The following RYR1 variants were observed in gnomAD, a reference collection of about 807,000 sequenced individuals.
RYR1 encodes the protein ryanodine receptor 1.
In RYR1, 342 loss-of-function variants were observed where a neutral mutation model predicts 583.5. The ratio of observed to expected loss-of-function variants is 0.59; its 90% CI spans 0.54 to 0.64. RYR1 has a LOEUF of 0.64. Among genes scored for constraint, RYR1 ranks in the 30% least tolerant of loss-of-function variants. The probability of loss-of-function intolerance (pLI) is 0.00; values close to 1 mark genes in which losing one functional copy is unlikely to be tolerated. For synonymous variants in RYR1, 2,791 were observed against 2,822.5 expected, an observed-to-expected ratio of 0.99 and a Z score of 0.35; for missense variants, 6,032 against 6,917.2, an observed-to-expected ratio of 0.87 and a Z score of 4.54.
intron 73 of RYR1, 53 bp downstream of exon 73, chr19:38,527,837 G>T: frequency 6.2e-7 from 1 of 1,607,120 alleles, no homozygotes; most frequent in Non-Finnish European, 8.5e-7. Context: ...GAGCCTGGCG[G>T]GGGGAGGGGC....
At chr19:38,477,384 C>T (rs1359633368) in intron 29 of RYR1, among the ~76,000 whole-genome samples, 1 of 152,142 alleles carries the variant, frequency 6.6e-6, no homozygotes, top group South Asian at 2.1e-4. Flanking sequence ...CTCAGGTGAT[C>T]CACCTTCCTC....
intron 90 of RYR1, among the ~76,000 whole-genome samples, chr19:38,563,325 G>C (rs1017576424): frequency 6.6e-6 from 1 of 152,174 alleles, no homozygotes; most frequent in African/African-American, 2.4e-5. Flanking sequence ...GAGTGCAATG[G>C]CACGATCTCA....
At chr19:38,567,638 C>T in intron 92 of RYR1, 135 bp from the exon 93 acceptor site, 5 of 1,259,916 alleles carry the variant, frequency 4.0e-6, no homozygotes, top group South Asian at 1.3e-5. Context: ...CTGATTATCT[C>T]ATCATCCCAT....
chr19:38,509,797 A>G (rs1212000225), intron 58 of RYR1, among the ~76,000 whole-genome samples: 2 of 150,880 alleles, frequency 1.3e-5, no homozygotes, highest in South Asian at 4.1e-4. Flanking sequence ...GACTGTCACC[A>G]TTATTATTGT....
intron 81 of RYR1, 102 bp downstream of exon 81, chr19:38,535,494 G>A: frequency 1.1e-6 from 1 of 895,858 alleles, no homozygotes; most frequent in Non-Finnish European, 1.9e-6. Flanking sequence ...TCAGTCCAGG[G>A]AAAGAGACTC....
chr19:38,447,492 G>A lies in RYR1; in HGVS notation c.800+724G>A, dbSNP rs148797046. On this transcript the variant is annotated intron_variant, in intron 9 of 105. Coordinates refer to ENST00000359596, the MANE Select transcript of RYR1 (RefSeq NM_000540.3). The stretch of plus-strand genomic sequence containing the variant: ...GGAGGTGGCGGTTGCAGTGAGCTGA[G>A]ATTGCACCATTGCATTCCAGCCTGG... 3.8e-3 allele frequency among the ~76,000 whole-genome samples: 579 copies of A among 152,086 alleles called. 4 individuals are homozygous for A. Among genetic ancestry groups the A allele is most frequent in the African/African-American group, 0.013 (541 of 41,470 alleles).
At position 38,442,550 on chromosome 19, in the gene RYR1, C is replaced by T. The variant is rs943459931; in HGVS notation, c.270+97C>T. 430 of 828,886 alleles carry T rather than the reference C, an allele frequency of 5.2e-4. 2 individuals are homozygous for T. The highest frequency in any genetic ancestry group is 4.5e-4 in the African/African-American group (27 of 59,470). 51.3% of individuals were successfully genotyped at this position (828,886 alleles called of 1,614,324 possible). Reference sequence around the variant, plus strand: ...GGTGGCAAGGATGGGTGAGAGGACCCGGGGGTCGCTTACCATCTGCTCTTC... The same window carrying T: ...GGTGGCAAGGATGGGTGAGAGGACCTGGGGGTCGCTTACCATCTGCTCTTC... On this transcript the variant is annotated intron_variant, in intron 3 of 105. Transcript: ENST00000359596.
chr19:38,463,409 C>T lies in RYR1; in HGVS notation c.2578-14C>T. 1 of 1,612,190 alleles carries T rather than the reference C, an allele frequency of 6.2e-7. No individual in the cohort carries two copies. The highest frequency in any genetic ancestry group is 1.1e-5 in the South Asian group (1 of 90,828). ...AGGGACCTTGGGGTCTCAAGAACGT[C>T]CCTCTGCCTCTAGATTGTCCTGCCG... is the stretch of plus-strand genomic sequence containing the variant. On this transcript the variant is annotated splice_polypyrimidine_tract_variant and intron_variant, in intron 20 of 105. Transcript: ENST00000359596.
intron 93 of RYR1, among the ~76,000 whole-genome samples, chr19:38,569,064 G>A (rs1209283035): frequency 1.3e-5 from 2 of 151,806 alleles, no homozygotes; most frequent in East Asian, 2.0e-4. Context: ...AGGTTGGAGT[G>A]CAGTGGCACA....
chr19:38,502,631 A>C lies in RYR1; in HGVS notation c.7739A>C (p.Asp2580Ala), dbSNP rs1970184881. 3 of 1,610,052 alleles carry C rather than the reference A, an allele frequency of 1.9e-6. No homozygotes were observed. The highest frequency in any genetic ancestry group is 2.5e-6 in the Non-Finnish European group (3 of 1,179,356). Residue 2580 changes from aspartate (D) to alanine (A), a missense_variant, in exon 48 of 106, where the codon GAC becomes GCC. Around this residue, in one of 11 missense-constraint regions of RYR1, gnomAD observed 250 missense variants for 162.3 expected, o/e 1.54. Coordinates refer to ENST00000359596, the MANE Select transcript of RYR1 (RefSeq NM_000540.3). Reference sequence around the variant, plus strand: ...ACAGAACACCGCGCCATCATGGTGGACTCTATGCTGCATACCGTGTACCGC... The same window carrying C: ...ACAGAACACCGCGCCATCATGGTGGCCTCTATGCTGCATACCGTGTACCGC... The part of the protein sequence containing the change: ...AGTEHRAIMV[D>A]SMLHTVYRLS...
At chr19:38,441,267 G>A (rs1972667110) in intron 2 of RYR1, among the ~76,000 whole-genome samples, 1 of 151,198 alleles carries the variant, frequency 6.6e-6, no homozygotes, top group Admixed American at 6.6e-5. Flanking sequence ...TGGGGCGTGG[G>A]GAGGGGGGGT....
intron 20 of RYR1, among the ~76,000 whole-genome samples, chr19:38,461,733 A>G (rs2145423915): frequency 7.3e-6 from 1 of 136,384 alleles, no homozygotes; most frequent in Non-Finnish European, 1.6e-5. Flanking sequence ...AAAAAAAAAA[A>G]AAAAAAAGAA....
chr19:38,462,891 CTTTTTTTT>C (rs553168266), intron 20 of RYR1, among the ~76,000 whole-genome samples: 3 of 78,754 alleles, frequency 3.8e-5, no homozygotes, highest in African/African-American at 1.5e-4. Flanking sequence ...ACTCTCTCTT[CTTTTTTTT>C]TTTTTTTTTT....
chr19:38,586,282 G>C, intron 104 of RYR1, 91 bp downstream of exon 104: 1 of 1,183,872 alleles, frequency 8.4e-7, no homozygotes, highest in Non-Finnish European at 1.2e-6. Flanking sequence ...GTTAGGAAAG[G>C]GGGTGTAGTG....
At position 38,493,605 on chromosome 19, in the gene RYR1, C is replaced by T. The variant is rs369891681; in HGVS notation, c.6275-747C>T. ...CGCGATCTTGGCTCACTGCAACCTC[C>T]GCCTCCTGGGTTCAAGCGATTCTCC... On this transcript the variant is annotated intron_variant, in intron 38 of 105. Transcript: ENST00000359596. Among the ~76,000 whole-genome samples the T allele has an allele frequency of 1.5e-3, 235 of 151,676 alleles. 1 individual carries two copies. In the Middle Eastern group the frequency reaches 0.024, roughly 15 times the overall value.
At chr19:38,559,904 T>A (rs2145826261) in intron 89 of RYR1, among the ~76,000 whole-genome samples, 1 of 151,398 alleles carries the variant, frequency 6.6e-6, no homozygotes, top group Non-Finnish European at 1.5e-5. Context: ...ACAGCAAAGG[T>A]CAGAATTATG....
chr19:38,564,777 A>G (rs1025656631), intron 90 of RYR1, among the ~76,000 whole-genome samples, 182 bp from the exon 91 acceptor site: 2 of 152,112 alleles, frequency 1.3e-5, no homozygotes, highest in Non-Finnish European at 2.9e-5. Flanking sequence ...CAGTTTCCCA[A>G]AGTGCTATGA....
At chr19:38,513,592 G>A (rs950930567) in intron 63 of RYR1, among the ~76,000 whole-genome samples, 4 of 151,628 alleles carry the variant, frequency 2.6e-5, no homozygotes, top group Non-Finnish European at 5.9e-5. Context: ...AATTGTTGGC[G>A]GGGCATGGTG....
At chr19:38,583,446 C>G (rs1385058778) in intron 101 of RYR1, among the ~76,000 whole-genome samples, 1 of 150,476 alleles carries the variant, frequency 6.6e-6, no homozygotes, top group African/African-American at 2.5e-5. Context: ...CCACAGCACT[C>G]CAGCCTGGGC....
Sources: gnomAD v4.1 joint callset for allele counts (sites outside exome capture counted in the v4.1 genomes callset) on GRCh38, gnomAD v4.1.1 for gene constraint, gnomAD v4.1.1 regional missense constraint, MANE v1.5 for transcripts, NCBI Gene and HGNC (gene_info 2026-07-23, HGNC 2026-07-21) for gene names.